The following CC2D1A variants were observed in gnomAD, a reference collection of about 807,000 sequenced individuals.
CC2D1A encodes the protein coiled-coil and C2 domain containing 1A, also known as coiled-coil and C2 domain-containing protein 1A.
CC2D1A carries 68 observed loss-of-function variants against 123.8 expected under a neutral mutation model. That is an observed-to-expected ratio of 0.55 (90% CI 0.45 to 0.67). CC2D1A has a LOEUF of 0.67. Ranked by LOEUF, CC2D1A falls within the 30% of genes least tolerant of loss-of-function variation. CC2D1A has a pLI of 0.00. For synonymous variants in CC2D1A, 477 were observed against 528.0 expected (o/e 0.90, Z 1.32); for missense variants, 1,185 against 1,290.3 (o/e 0.92, Z 1.25).
chr19:13,927,172 CAG>C lies in CC2D1A; in HGVS notation c.2226-2_2226-1del, dbSNP rs776562022. On this transcript the variant is annotated splice_acceptor_variant, in intron 21 of 28. Coordinates refer to ENST00000318003, the MANE Select transcript of CC2D1A (RefSeq NM_017721.5). LOFTEE classifies it high-confidence loss of function. ...TGTCCCCACTATACACACATGCACA[CAG>C]GGGGCTGTTCAAGACTGACCGGGTG... is the stretch of plus-strand genomic sequence containing the variant. 1.2e-6 allele frequency: 2 copies of C among 1,613,810 alleles called. No homozygotes were observed. Among genetic ancestry groups the C allele is most frequent in the Non-Finnish European group, 8.5e-7 (1 of 1,179,776 alleles).
Position 13,926,595 on chromosome 19 carries a change from G to A in CC2D1A, c.2014+5G>A, listed in dbSNP as rs376562016. ...TCAACTTGCCCACACCCCCAGGTGA[G>A]GGGGCTGTAGGCAAGGGTCAGGGTC... On this transcript the variant is annotated splice_donor_5th_base_variant and intron_variant, in intron 18 of 28. Transcript: ENST00000318003. 6.2e-7 allele frequency: 1 copy of A among 1,614,166 alleles called. No homozygotes were observed. The highest frequency in any genetic ancestry group is 8.5e-7 in the Non-Finnish European group (1 of 1,180,008).
intron 1 of CC2D1A, among the ~76,000 whole-genome samples, chr19:13,907,918 A>G (rs1359154630): frequency 6.6e-6 from 1 of 152,220 alleles, no homozygotes; most frequent in Non-Finnish European, 1.5e-5. Context: ...ATGGTTAAAC[A>G]CGATGTTATC....
intron 22 of CC2D1A, 61 bp from the exon 23 acceptor site, chr19:13,927,832 G>A (rs375091645): frequency 1.3e-6 from 2 of 1,541,460 alleles, no homozygotes; most frequent in East Asian, 4.5e-5. Flanking sequence ...CCCTTGTCCT[G>A]GCCCTGGGCC....
chr19:13,908,392 C>T (rs1020142699), intron 1 of CC2D1A, among the ~76,000 whole-genome samples: 31 of 151,882 alleles, frequency 2.0e-4, no homozygotes, highest in African/African-American at 7.0e-4. Flanking sequence ...GTGATCCCCC[C>T]ACCTTGGTCT....
intron 24 of CC2D1A, among the ~76,000 whole-genome samples, chr19:13,928,537 C>T (rs1971738364): frequency 2.0e-5 from 3 of 151,682 alleles, no homozygotes; most frequent in Admixed American, 1.3e-4. Flanking sequence ...ACCTCTGATT[C>T]CTTCTTTGGA....
rs536027501 is a variant in CC2D1A at position 13,920,668 on chromosome 19, G to T, written c.1468G>T (p.Ala490Ser). ...GCCCCCCAAAGCCACATCCACCAGAGGTAAGTTCCCCCTCCCCGCCCCAGC... is the reference window on the plus strand; with the variant it reads ...GCCCCCCAAAGCCACATCCACCAGATGTAAGTTCCCCCTCCCCGCCCCAGC... ...KAPPKATSTR[A>S]QQQLAFLEGR... Residue 490 changes from alanine to serine, a missense_variant and splice_region_variant, in exon 13 of 29, where the codon GCC (alanine) becomes TCC (serine). Coordinates refer to ENST00000318003, the MANE Select transcript of CC2D1A (RefSeq NM_017721.5). 9.9e-6 allele frequency: 16 copies of T among 1,608,502 alleles called. No individual in the cohort carries two copies. In the East Asian group the frequency reaches 3.6e-4, roughly 36 times the overall value.
At position 13,923,873 on chromosome 19, in the gene CC2D1A, G is replaced by A. The variant is rs551530842; in HGVS notation, c.1940+62G>A. The A allele has an allele frequency of 4.6e-4, 585 of 1,265,294 alleles. 3 individuals carry two copies. Among genetic ancestry groups the A allele is most frequent in the Non-Finnish European group, 5.8e-4 (499 of 867,540 alleles). 78.4% of individuals were successfully genotyped at this position (1,265,294 alleles called of 1,614,324 possible). On this transcript the variant is annotated intron_variant, in intron 17 of 28. Coordinates refer to ENST00000318003, the MANE Select transcript of CC2D1A (RefSeq NM_017721.5). The surrounding 1 kb of genome is among the most constrained non-coding windows in gnomAD (Gnocchi z 5.3). The stretch of plus-strand genomic sequence containing the variant: ...AGTGGCCCTTTGGTGGCGGTGGGGC[G>A]GGTTGTGCTCCCCAGAAGCTGGCAC...
At chr19:13,916,729 AC>A (rs1971222718) in intron 6 of CC2D1A, among the ~76,000 whole-genome samples, 1 of 152,150 alleles carries the variant, frequency 6.6e-6, no homozygotes, top group Non-Finnish European at 1.5e-5. Flanking sequence ...TGTCACTTCT[AC>A]CTCCAAACAT....
intron 6 of CC2D1A, among the ~76,000 whole-genome samples, chr19:13,914,784 T>C (rs1971144849): frequency 6.6e-6 from 1 of 152,102 alleles, no homozygotes; most frequent in African/African-American, 2.4e-5. Context: ...TACAGGCATA[T>C]GCCACCGTGC....
intron 14 of CC2D1A, among the ~76,000 whole-genome samples, chr19:13,921,850 G>A (rs1203730536): frequency 1.3e-5 from 2 of 152,126 alleles, no homozygotes; most frequent in African/African-American, 4.8e-5. Context: ...AACTAGCCTG[G>A]GAAACACAGT....
chr19:13,910,840 G>A (rs1484482951), intron 2 of CC2D1A, among the ~76,000 whole-genome samples: 1 of 152,082 alleles, frequency 6.6e-6, no homozygotes, highest in Non-Finnish European at 1.5e-5. Context: ...GAATCCAGGA[G>A]GCAGCAGTTG....
At position 13,927,097 on chromosome 19, in the gene CC2D1A, G is replaced by A; in HGVS notation, c.2225+20G>A. On this transcript the variant is annotated intron_variant, in intron 21 of 28. Coordinates refer to ENST00000318003, the MANE Select transcript of CC2D1A (RefSeq NM_017721.5). ...CAAGGGGTGAGCTAGAGAGAGCCAT[G>A]GCCGCTGGGTGGGCTCCAGGGGAGG... The A allele has an allele frequency of 6.2e-7, 1 of 1,612,792 alleles. No homozygotes were observed. The highest frequency in any genetic ancestry group is 8.5e-7 in the Non-Finnish European group (1 of 1,178,850).
intron 6 of CC2D1A, among the ~76,000 whole-genome samples, chr19:13,913,985 G>A (rs796561750): frequency 9.9e-5 from 15 of 152,010 alleles, no homozygotes; most frequent in African/African-American, 3.6e-4. Context: ...AAGTTCAAGC[G>A]ATTCTCCTGC....
chr19:13,919,184 G>A lies in CC2D1A; in HGVS notation c.1204G>A (p.Glu402Lys). The A allele has an allele frequency of 6.2e-7, 1 of 1,612,780 alleles. No individual in the cohort carries two copies. The highest frequency in any genetic ancestry group is 1.1e-5 in the South Asian group (1 of 91,056). The change falls in exon 11 of 29, where the codon GAA (glutamate) becomes AAA (lysine). Residue 402 changes from glutamate to lysine, a missense_variant. Transcript: ENST00000318003. Reference sequence around the variant, plus strand: ...GGCTGGCCGAGCCGTGGATGTCGCTGAATTGCCCGTGCCCCCAGGTAGGCC... The same window carrying A: ...GGCTGGCCGAGCCGTGGATGTCGCTAAATTGCCCGTGCCCCCAGGTAGGCC... ...HKAGRAVDVAELPVPPGFPPI... is the reference protein window; with the variant it reads ...HKAGRAVDVAKLPVPPGFPPI...
Position 13,906,483 on chromosome 19 carries a change from C to G in CC2D1A, c.42C>G (p.Gly14=), listed in dbSNP as rs1163069157. 2 of 1,501,136 alleles carry G rather than the reference C, an allele frequency of 1.3e-6. No individual in the cohort carries two copies. Among genetic ancestry groups the G allele is most frequent in the South Asian group, 1.2e-5 (1 of 80,290 alleles). The allele number at this position is 1,501,136 out of a possible 1,614,324, so 93.0% of individuals were successfully genotyped here. The change falls in exon 1 of 29, where the codon GGC becomes GGG. Residue 14 remains glycine, a synonymous_variant. Transcript: ENST00000318003. This position sits in a 1 kb window ranked among gnomAD's most constrained non-coding sequence, Gnocchi z 4.1. ...RKGPPGPPGR[G]AAAARQLGLL... ...GACCCCCGGGACCCCCGGGCAGAGG[C>G]GCCGCGGCCGCCCGCCAGGTGAGTT...
At chr19:13,926,393 C>T (rs189834353) in intron 17 of CC2D1A, 124 bp from the exon 18 acceptor site, 7 of 752,764 alleles carry the variant, frequency 9.3e-6, no homozygotes, top group South Asian at 6.9e-5. Context: ...AGCTGAGACA[C>T]CCCCGAAGGC....
At chr19:13,912,186 C>G (rs1252228053) in intron 2 of CC2D1A, 137 bp from the exon 3 acceptor site, 1 of 1,005,762 alleles carries the variant, frequency 9.9e-7, no homozygotes, top group African/African-American at 1.6e-5. Flanking sequence ...TAGCCAGGCC[C>G]CAGACCTGAG....
At chr19:13,928,242 C>A in intron 24 of CC2D1A, 54 bp downstream of exon 24, 1 of 1,484,052 alleles carries the variant, frequency 6.7e-7, no homozygotes, top group Non-Finnish European at 9.3e-7. Flanking sequence ...CCCTCTCAGC[C>A]CCACCTGGAC....
intron 11 of CC2D1A, 28 bp downstream of exon 11, chr19:13,919,230 C>T (rs746041385): frequency 7.9e-5 from 123 of 1,558,546 alleles, no homozygotes; most frequent in African/African-American, 1.4e-5. Flanking sequence ...AGGCCTCGCC[C>T]CAGTAGGCCC....
Sources: allele counts gnomAD v4.1 joint callset (sites outside exome capture counted in the v4.1 genomes callset), GRCh38; gene constraint gnomAD v4.1.1; non-coding constraint Gnocchi (gnomAD v3.1); transcripts MANE v1.5; gene names NCBI Gene and HGNC (gene_info 2026-07-23, HGNC 2026-07-21).